Variants in MLLT3 observed in about 807,000 individuals in gnomAD.
MLLT3 encodes MLLT3 super elongation complex subunit.
MLLT3 carries 4 observed loss-of-function variants against 53.2 expected under a neutral mutation model. That is an observed-to-expected ratio of 0.08 (90% CI 0.04 to 0.17). The LOEUF is 0.17. Ranked by LOEUF, MLLT3 falls within the 10% of genes least tolerant of loss-of-function variation. MLLT3 has a pLI of 1.00. For missense variants in MLLT3, 569 were observed against 684.0 expected, an observed-to-expected ratio of 0.83 and a Z score of 1.87; for synonymous variants, 283 against 230.6, an observed-to-expected ratio of 1.23 and a Z score of -2.06.
intron 5 of MLLT3, among the ~76,000 whole-genome samples, chr9:20,378,320 T>C (rs1408595383): frequency 6.6e-6 from 1 of 152,072 alleles, no homozygotes; most frequent in Non-Finnish European, 1.5e-5. Flanking sequence ...CAAATCTTAA[T>C]TATATCACAT....
chr9:20,413,926 A>C lies in MLLT3; in HGVS notation c.920T>G (p.Phe307Cys). 6.2e-7 allele frequency: 1 copy of C among 1,613,500 alleles called. No homozygotes were observed. ...KRKKSSSEAL[F>C]KSFSSAPPLI... Reference sequence around the variant, plus strand: ...TGGTGGTGCGCTAGAAAAACTTTTAAATAAAGCCTCTGAGCTACTCTTTTT... The same window carrying C: ...TGGTGGTGCGCTAGAAAAACTTTTACATAAAGCCTCTGAGCTACTCTTTTT... Residue 307 changes from phenylalanine to cysteine, a missense_variant, in exon 5 of 11, where the codon TTT becomes TGT. This residue lies in a region of MLLT3 where 437 missense variants were observed against 376.5 expected (regional missense o/e 1.16). Coordinates refer to ENST00000380338, the MANE Select transcript of MLLT3 (RefSeq NM_004529.4).
chr9:20,449,346 G>A (rs1039799079), intron 3 of MLLT3, among the ~76,000 whole-genome samples: 1 of 152,056 alleles, frequency 6.6e-6, no homozygotes, highest in African/African-American at 2.4e-5. Context: ...AAATAACTAG[G>A]ACAAAATAGC....
chr9:20,556,468 A>G (rs1303796113), intron 2 of MLLT3, among the ~76,000 whole-genome samples: 1 of 152,150 alleles, frequency 6.6e-6, no homozygotes, highest in Middle Eastern at 3.2e-3. Context: ...GCGGATCACA[A>G]GGTAAGGAGT....
In MLLT3 at chr9:20,345,062, G is replaced by A. The variant is rs1241988109; in HGVS notation, c.*1381C>T. ...GGAATAATGACACCAAAAGTACTTT[G>A]GTTTTTTTCTTTTAAAAATAATTTG... On this transcript the variant is annotated 3_prime_UTR_variant, in exon 11 of 11. Transcript: ENST00000380338. The A allele has an allele frequency of 9.2e-6, 2 of 217,076 alleles. No individual in the cohort carries two copies. Among genetic ancestry groups the A allele is most frequent in the Non-Finnish European group, 1.9e-5 (2 of 107,986 alleles). The allele number at this position is 217,076 out of a possible 1,614,324, so 13.4% of individuals were successfully genotyped here.
chr9:20,374,918 T>G (rs1235609466), intron 5 of MLLT3, among the ~76,000 whole-genome samples: 1 of 152,200 alleles, frequency 6.6e-6, no homozygotes, highest in East Asian at 1.9e-4. Flanking sequence ...TAATTAGGTT[T>G]AAAATGAGGT....
chr9:20,607,063 C>G (rs531154181), intron 2 of MLLT3, among the ~76,000 whole-genome samples: 2 of 152,176 alleles, frequency 1.3e-5, no homozygotes, highest in South Asian at 4.1e-4. Flanking sequence ...CATTTGTACA[C>G]TATCGTCATC....
At chr9:20,474,347 G>C (rs1288585763) in intron 2 of MLLT3, among the ~76,000 whole-genome samples, 1 of 152,074 alleles carries the variant, frequency 6.6e-6, no homozygotes, top group Non-Finnish European at 1.5e-5. Flanking sequence ...AGCTTGTGTA[G>C]ATATTAATGT....
intron 4 of MLLT3, among the ~76,000 whole-genome samples, chr9:20,430,120 T>G (rs1438785184): frequency 6.6e-6 from 1 of 152,070 alleles, no homozygotes; most frequent in Non-Finnish European, 1.5e-5. Flanking sequence ...ATATTAATAA[T>G]AGCAAAACAA....
intron 6 of MLLT3, among the ~76,000 whole-genome samples, chr9:20,363,978 G>A (rs766377921): frequency 6.6e-6 from 1 of 152,220 alleles, no homozygotes; most frequent in Non-Finnish European, 1.5e-5. Context: ...CACTGTGGTT[G>A]TAACTTGTTC....
intron 2 of MLLT3, among the ~76,000 whole-genome samples, chr9:20,524,721 C>G (rs748558722): frequency 3.3e-5 from 5 of 152,126 alleles, no homozygotes; most frequent in Admixed American, 2.0e-4. Context: ...ATCACTCATA[C>G]CTGTTCCCCA....
At chr9:20,536,646 C>CA (rs1007053875) in intron 2 of MLLT3, among the ~76,000 whole-genome samples, 1 of 152,134 alleles carries the variant, frequency 6.6e-6, no homozygotes, top group Non-Finnish European at 1.5e-5. Flanking sequence ...ATACTGTAAT[C>CA]AAAGTCCCTT....
In MLLT3 at chr9:20,482,302, C is replaced by A. The variant is rs192011669; in HGVS notation, c.194-25516G>T. ...TTCCCTCTATCTTTAATCCTTACAA[C>A]AAAATGTAACCTGATGTTAGCCAGT... On this transcript the variant is annotated intron_variant, in intron 2 of 10. Transcript: ENST00000380338. 2.4e-4 allele frequency among the ~76,000 whole-genome samples: 37 copies of A among 152,316 alleles called. No individual in the cohort carries two copies. The East Asian group carries it at 6.0e-3, about 25-fold the overall frequency.
In MLLT3 at chr9:20,344,299, T is replaced by C. The variant is rs190641653; in HGVS notation, c.*2144A>G. On this transcript the variant is annotated 3_prime_UTR_variant, in exon 11 of 11. Coordinates refer to ENST00000380338, the MANE Select transcript of MLLT3 (RefSeq NM_004529.4). ...ATAAAAATGGCCCAAACTACATATATACGTTTCTAGTTAAACTACACAGAT... is the reference window on the plus strand; with the variant it reads ...ATAAAAATGGCCCAAACTACATATACACGTTTCTAGTTAAACTACACAGAT... The C allele has an allele frequency of 9.5e-5, 19 of 200,498 alleles. No individual in the cohort carries two copies. The highest frequency in any genetic ancestry group is 5.4e-4 in the Admixed American group (9 of 16,658). 12.4% of individuals were successfully genotyped at this position (200,498 alleles called of 1,614,324 possible). A position where few individuals can be genotyped will look rare whatever the true frequency, so the allele number is the denominator to read the frequency against.
chr9:20,612,009 T>TA (rs1820715881), intron 2 of MLLT3, among the ~76,000 whole-genome samples: 1 of 152,152 alleles, frequency 6.6e-6, no homozygotes, highest in South Asian at 2.1e-4. Context: ...AAAGTAGCTA[T>TA]AGAACTTTTT....
chr9:20,491,199 CA>C (rs1354286865), intron 2 of MLLT3, among the ~76,000 whole-genome samples: 1 of 152,028 alleles, frequency 6.6e-6, no homozygotes, highest in African/African-American at 2.4e-5. Context: ...CCTGCATACT[CA>C]AAAATCAAGA....
intron 3 of MLLT3, among the ~76,000 whole-genome samples, chr9:20,454,747 C>G (rs1823919064): frequency 6.6e-6 from 1 of 152,122 alleles, no homozygotes; most frequent in Non-Finnish European, 1.5e-5. Flanking sequence ...ACTTAAACTT[C>G]TAAGATATTA....
chr9:20,590,033 T>C (rs546713644), intron 2 of MLLT3, among the ~76,000 whole-genome samples: 47 of 152,272 alleles, frequency 3.1e-4, no homozygotes, highest in African/African-American at 1.0e-3. Context: ...GGAGCTGAGT[T>C]ACCCGCCAGG....
At chr9:20,551,158 C>T (rs1241409264) in intron 2 of MLLT3, among the ~76,000 whole-genome samples, 2 of 152,182 alleles carry the variant, frequency 1.3e-5, no homozygotes, top group African/African-American at 4.8e-5. Context: ...TTTCCAATTG[C>T]CTTTAGCAGC....
At position 20,346,284 on chromosome 9, in the gene MLLT3, A is replaced by G; in HGVS notation, c.*159T>C. On this transcript the variant is annotated 3_prime_UTR_variant, in exon 11 of 11. Coordinates refer to ENST00000380338, the MANE Select transcript of MLLT3 (RefSeq NM_004529.4). ...GAGATGATGACTGGCTTTAAAGAAA[A>G]ATAAAGCTGAAGGTTGTTTGATTTT... The G allele has an allele frequency of 1.3e-6, 1 of 781,862 alleles. No individual in the cohort carries two copies. Among genetic ancestry groups the G allele is most frequent in the Non-Finnish European group, 1.9e-6 (1 of 527,724 alleles). 48.4% of individuals were successfully genotyped at this position (781,862 alleles called of 1,614,324 possible). A position where few individuals can be genotyped will look rare whatever the true frequency, so the allele number is the denominator to read the frequency against.
Sources: gnomAD v4.1 joint callset for allele counts (sites outside exome capture counted in the v4.1 genomes callset) on GRCh38, gnomAD v4.1.1 for gene constraint, gnomAD v4.1.1 regional missense constraint, MANE v1.5 for transcripts, NCBI Gene and HGNC (gene_info 2026-07-23, HGNC 2026-07-21) for gene names.